SCART1: variants seen among roughly 807,000 people sequenced by gnomAD.
SCART1 encodes scavenger receptor cysteine-rich domain-containing protein SCART1.
SCART1 carries 62 observed loss-of-function variants against 36.2 expected under a neutral mutation model. The observed-to-expected ratio is 1.71, with a 90% CI of 1.40 to 2.12. The LOEUF (loss-of-function observed/expected upper bound fraction) is 2.12. SCART1 is among the 30% of genes most tolerant of loss of function. The pLI is 0.00. For synonymous variants in SCART1, 487 were observed against 238.7 expected (o/e 2.04, Z -9.59); for missense variants, 1,041 against 540.5 (o/e 1.93, Z -9.18).
chr10:133,466,066 T>C (rs1850761919), intron 9 of SCART1, 169 bp from the exon 10 acceptor site: 1 of 632,692 alleles, frequency 1.6e-6, no homozygotes, highest in Non-Finnish European at 2.8e-6. Flanking sequence ...ACTAGCCATT[T>C]TGGGGTGCTC....
chr10:133,464,494 T>C, intron 6 of SCART1, 112 bp from the exon 7 acceptor site: 1 of 600,066 alleles, frequency 1.7e-6, no homozygotes. Context: ...CTCTATACTG[T>C]TTCTATAACT....
At chr10:133,458,892 G>C (rs929224012) in intron 4 of SCART1, 129 bp from the exon 5 acceptor site, 15 of 625,492 alleles carry the variant, frequency 2.4e-5, no homozygotes, top group Non-Finnish European at 3.4e-5. Context: ...AGAGGAGGGT[G>C]GGGGAGCTGG....
At chr10:133,467,292 C>G in exon 11 of SCART1, 1 of 702,946 alleles carries the variant, frequency 1.4e-6, no homozygotes, top group Non-Finnish European at 2.6e-6. Context: ...TCATGGAGGC[C>G]GAGGCTGTGC....
chr10:133,457,799 C>T (rs137923396), intron 3 of SCART1: 43 of 557,226 alleles, frequency 7.7e-5, no homozygotes, highest in African/African-American at 4.0e-4. Flanking sequence ...GCTCAGAACC[C>T]GCAGGCCATC....
intron 3 of SCART1, 63 bp downstream of exon 3, chr10:133,457,638 G>C (rs1471263991): frequency 3.3e-6 from 2 of 608,052 alleles, no homozygotes; most frequent in Non-Finnish European, 5.8e-6. Context: ...GACCTGGGGA[G>C]GGCAGGGAGA....
chr10:133,455,007 C>A lies in SCART1; in HGVS notation c.67+943C>A, dbSNP rs184696796. ...TCATAGCGGGCGTGGTGGCTTATGG[C>A]TGTAATCCCAGCACTTTGGGAGGCT... On this transcript the variant is annotated intron_variant, in intron 1 of 11. Coordinates refer to ENST00000640237, the Ensembl canonical transcript of SCART1. Among the ~76,000 whole-genome samples the A allele has an allele frequency of 4.5e-3, 678 of 152,242 alleles. 8 individuals carry two copies. The highest frequency in any genetic ancestry group is 0.015 in the African/African-American group (616 of 41,528).
At position 133,458,462 on chromosome 10, in the gene SCART1, C is replaced by G. The variant is rs1439735192; in HGVS notation, c.785C>G (p.Ala262Gly). The G allele has an allele frequency of 7.2e-6, 5 of 695,216 alleles. No homozygotes were observed. In the East Asian group the frequency reaches 1.1e-4, roughly 15 times the overall value. The allele number at this position is 695,216 out of a possible 1,614,324, so 43.1% of individuals were successfully genotyped here. A position where few individuals can be genotyped will look rare whatever the true frequency, so the allele number is the denominator to read the frequency against. Reference sequence around the variant, plus strand: ...GATGCGGCCCTGGACCTGGCCACGGCCCACGTGGTGTGCCGGGAGCTGCAG... The same window carrying G: ...GATGCGGCCCTGGACCTGGCCACGGGCCACGTGGTGTGCCGGGAGCTGCAG... Residue 262 changes from alanine to glycine, a missense_variant, in exon 4 of 12, where the codon GCC becomes GGC. By Grantham distance (60) the Ala-to-Gly change is moderately conservative. Transcript: ENST00000640237.
chr10:133,466,460 G>A lies in SCART1; in HGVS notation c.2806+79G>A, dbSNP rs1850767268. 7.5e-6 allele frequency: 5 copies of A among 662,450 alleles called. No individual in the cohort carries two copies. The East Asian group carries it at 8.1e-5, about 11-fold the overall frequency. The allele number at this position is 662,450 out of a possible 1,614,324, so 41.0% of individuals were successfully genotyped here. On this transcript the variant is annotated intron_variant, in intron 10 of 11. Transcript: ENST00000640237. ...CTCACAGCTCCAGCCTGGTGTTGGG[G>A]TCTGGGCAGGCGGGGTGCCCCACAG...
chr10:133,465,403 G>A (rs1639541791), exon 9 of SCART1: 3 of 605,570 alleles, frequency 5.0e-6, no homozygotes, highest in East Asian at 3.2e-5. Flanking sequence ...TGGTCGGGCC[G>A]TCGCCGCCCT....
exon 12 of SCART1, chr10:133,467,892 C>A (rs530906319): frequency 2.9e-6 from 2 of 699,894 alleles, no homozygotes; most frequent in South Asian, 3.0e-5. Flanking sequence ...TCTATACGTG[C>A]GGAGGGAGGA....
intron 6 of SCART1, among the ~76,000 whole-genome samples, chr10:133,462,543 G>A (rs1451953270): frequency 1.3e-5 from 2 of 152,202 alleles, no homozygotes; most frequent in Non-Finnish European, 2.9e-5. Flanking sequence ...CGTAACATAT[G>A]TGAAATTAAT....
chr10:133,457,560 G>A (rs1313889002), exon 3 of SCART1: 2 of 700,128 alleles, frequency 2.9e-6, no homozygotes, highest in African/African-American at 3.5e-5. Flanking sequence ...GCTGGACGCA[G>A]AGGTGGTCTG....
chr10:133,467,134 C>T (rs1301805318), intron 10 of SCART1, 64 bp from the exon 11 acceptor site: 2 of 582,034 alleles, frequency 3.4e-6, no homozygotes, highest in Non-Finnish European at 3.1e-6. Flanking sequence ...AGTTGCTGTC[C>T]TCCCTTGCCT....
chr10:133,455,996 G>A (rs927770526), intron 1 of SCART1, among the ~76,000 whole-genome samples: 21 of 152,052 alleles, frequency 1.4e-4, no homozygotes, highest in African/African-American at 5.1e-4. Flanking sequence ...CTGGGGGATG[G>A]GGTCCTCCAG....
At chr10:133,460,525 A>ATATTTACT (rs1554896750) in intron 6 of SCART1, among the ~76,000 whole-genome samples, 1 of 134,340 alleles carries the variant, frequency 7.4e-6, no homozygotes, top group South Asian at 2.6e-4. Context: ...ATTTATTTAA[A>ATATTTACT]TATTTATTTA....
chr10:133,465,529 C>T (rs1175075263), exon 9 of SCART1: 3 of 526,050 alleles, frequency 5.7e-6, no homozygotes, highest in Non-Finnish European at 9.9e-6. Context: ...ACGCGGAGAC[C>T]GCGCGCACGA....
exon 7 of SCART1, chr10:133,464,829 A>C: frequency 1.4e-6 from 1 of 702,838 alleles, no homozygotes; most frequent in Non-Finnish European, 2.6e-6. Context: ...GACAACATCG[A>C]GTGCCGCAGG....
At chr10:133,464,738 A>G (rs1407154609) in exon 7 of SCART1, 2 of 692,692 alleles carry the variant, frequency 2.9e-6, no homozygotes, top group African/African-American at 4.0e-5. Context: ...ATCTGCAAGC[A>G]GCTGGGGTGT....
exon 12 of SCART1, chr10:133,467,855 G>A (rs1850780677): frequency 1.5e-6 from 1 of 684,618 alleles, no homozygotes; most frequent in Admixed American, 2.0e-5. Context: ...AGTTTCAGGG[G>A]AGGTGTCTAA....
Sources: allele counts gnomAD v4.1 joint callset (sites outside exome capture counted in the v4.1 genomes callset), GRCh38; gene constraint gnomAD v4.1.1; transcripts MANE v1.5; gene names NCBI Gene and HGNC (gene_info 2026-07-23, HGNC 2026-07-21).